The following FILIP1 variants were observed in gnomAD, a reference collection of about 807,000 sequenced individuals.
The protein encoded by FILIP1 is filamin A interacting protein 1.
Under a neutral mutation model 102.1 loss-of-function variants are expected in FILIP1, and 61 were observed. The ratio of observed to expected loss-of-function variants is 0.60; its 90% CI spans 0.49 to 0.74. The LOEUF (loss-of-function observed/expected upper bound fraction) is 0.74. FILIP1 is among the 30% of genes least tolerant of loss of function. The pLI, the probability that FILIP1 is intolerant of heterozygous loss-of-function variation, is 0.00. For synonymous variants in FILIP1, 491 were observed against 526.9 expected (o/e 0.93, Z 0.93); for missense variants, 1,314 against 1,441.2 (o/e 0.91, Z 1.43).
chr6:75,463,036 C>G lies in FILIP1; in HGVS notation c.-7+30378G>C, dbSNP rs557270317. ...CAGTGGCCACAGAATGGAAAATGAG[C>G]ACAATATATGCAAGAAATGTGAAGA... On this transcript the variant is annotated intron_variant, in intron 1 of 5. Transcript: ENST00000237172. Among the ~76,000 whole-genome samples the G allele has an allele frequency of 3.9e-5, 6 of 152,264 alleles. No individual in the cohort carries two copies. In the East Asian group the frequency reaches 1.2e-3, roughly 29 times the overall value.
At chr6:75,292,234 C>A (rs371511120) in exon 7 of FILIP1, 2 of 152,142 alleles carry the variant, frequency 1.3e-5, no homozygotes, top group South Asian at 4.1e-4. Context: ...GAATATCTGG[C>A]CACATTATAA....
intron 1 of FILIP1, among the ~76,000 whole-genome samples, chr6:75,482,049 T>C (rs1779662254): frequency 6.6e-6 from 1 of 152,196 alleles, no homozygotes; most frequent in Admixed American, 6.5e-5. Flanking sequence ...CACAGGCCAC[T>C]TTCATCTGGT....
At chr6:75,321,185 A>G (rs766040673) in intron 4 of FILIP1, among the ~76,000 whole-genome samples, 2 of 152,076 alleles carry the variant, frequency 1.3e-5, no homozygotes, top group Non-Finnish European at 2.9e-5. Flanking sequence ...TGGGATTACA[A>G]TTGTGAGTCA....
At chr6:75,354,057 A>AAATAATGCTG (rs528482274) in intron 3 of FILIP1, among the ~76,000 whole-genome samples, 116 of 152,312 alleles carry the variant, frequency 7.6e-4, no homozygotes, top group African/African-American at 2.7e-3. Context: ...GGTCTATTAC[A>AAATAATGCTG]AATAATGCTG....
At chr6:75,451,464 A>C (rs374575926) in intron 1 of FILIP1, among the ~76,000 whole-genome samples, 2 of 152,182 alleles carry the variant, frequency 1.3e-5, no homozygotes. Flanking sequence ...ATTTAACCTC[A>C]TACATATATC....
At chr6:75,341,857 T>C (rs968775958) in intron 4 of FILIP1, among the ~76,000 whole-genome samples, 2 of 152,206 alleles carry the variant, frequency 1.3e-5, no homozygotes, top group Admixed American at 6.5e-5. Context: ...ATGTCTTAGT[T>C]TGATAAACCG....
intron 1 of FILIP1, among the ~76,000 whole-genome samples, chr6:75,468,330 T>G (rs1015800471): frequency 3.9e-5 from 6 of 152,186 alleles, no homozygotes; most frequent in African/African-American, 1.2e-4. Flanking sequence ...GTTCTTTGTT[T>G]TCAAAACATG....
intron 6 of FILIP1, among the ~76,000 whole-genome samples, chr6:75,299,013 A>C (rs939102337): frequency 6.6e-6 from 1 of 152,156 alleles, no homozygotes; most frequent in Non-Finnish European, 1.5e-5. Flanking sequence ...CCAGCAAAAA[A>C]AAAAATTAAA....
chr6:75,474,894 G>A (rs548375814), intron 1 of FILIP1, among the ~76,000 whole-genome samples: 2 of 152,098 alleles, frequency 1.3e-5, no homozygotes, highest in South Asian at 2.1e-4. Flanking sequence ...AGAGCTGGTC[G>A]TTTAAAAGTG....
intron 1 of FILIP1, among the ~76,000 whole-genome samples, chr6:75,488,133 A>G (rs1342545236): frequency 6.6e-6 from 1 of 152,058 alleles, no homozygotes; most frequent in South Asian, 2.1e-4. Context: ...AAAAAACCCA[A>G]ACTTTCTTTT....
At chr6:75,448,959 G>A (rs1778527741) in intron 1 of FILIP1, among the ~76,000 whole-genome samples, 1 of 152,286 alleles carries the variant, frequency 6.6e-6, no homozygotes, top group South Asian at 2.1e-4. Flanking sequence ...ACTTGATTCA[G>A]TAATTCCACT....
At chr6:75,300,748 AT>A (rs1219726477) in intron 6 of FILIP1, among the ~76,000 whole-genome samples, 1 of 152,162 alleles carries the variant, frequency 6.6e-6, no homozygotes, top group African/African-American at 2.4e-5. Context: ...GCTCTAGGAA[AT>A]TTTTGAACCA....
chr6:75,292,985 A>G (rs1433923498), exon 7 of FILIP1: 1 of 152,192 alleles, frequency 6.6e-6, no homozygotes, highest in African/African-American at 2.4e-5. Context: ...CTAAGATACA[A>G]TGAATTCTTC....
At chr6:75,472,661 A>G (rs1267180705) in intron 1 of FILIP1, among the ~76,000 whole-genome samples, 1 of 152,186 alleles carries the variant, frequency 6.6e-6, no homozygotes, top group Non-Finnish European at 1.5e-5. Flanking sequence ...AGAACAGAGA[A>G]TAATTCATGA....
chr6:75,490,554 T>C (rs1326723201), intron 1 of FILIP1, among the ~76,000 whole-genome samples: 4 of 151,980 alleles, frequency 2.6e-5, no homozygotes, highest in Non-Finnish European at 5.9e-5. Flanking sequence ...GTACCAAAAG[T>C]AACTATAAAT....
intron 1 of FILIP1, among the ~76,000 whole-genome samples, chr6:75,482,796 T>A (rs1019348322): frequency 4.6e-5 from 7 of 152,214 alleles, no homozygotes; most frequent in Non-Finnish European, 1.0e-4. Flanking sequence ...GGAAACATTA[T>A]GTTCACTTCA....
intron 1 of FILIP1, among the ~76,000 whole-genome samples, chr6:75,439,514 T>A (rs929997795): frequency 1.3e-5 from 2 of 152,208 alleles, no homozygotes; most frequent in African/African-American, 4.8e-5. Flanking sequence ...AGGGCAGGCA[T>A]AGGACAATGA....
chr6:75,446,181 CT>C (rs1194318107), intron 1 of FILIP1, among the ~76,000 whole-genome samples: 3 of 152,122 alleles, frequency 2.0e-5, no homozygotes, highest in African/African-American at 7.2e-5. Flanking sequence ...TATATTTATT[CT>C]TAAAAACAAA....
At chr6:75,433,755 T>TC (rs1421101208) in intron 1 of FILIP1, among the ~76,000 whole-genome samples, 2 of 152,238 alleles carry the variant, frequency 1.3e-5, no homozygotes, top group Non-Finnish European at 2.9e-5. Context: ...GGTCATGAAG[T>TC]CCTTGTCCAT....
Sources: gnomAD v4.1 joint callset for allele counts (sites outside exome capture counted in the v4.1 genomes callset) on GRCh38, gnomAD v4.1.1 for gene constraint, MANE v1.5 for transcripts, NCBI Gene and HGNC (gene_info 2026-07-23, HGNC 2026-07-21) for gene names.